Variants in TEKTIP1 observed in about 807,000 individuals in gnomAD.
The protein encoded by TEKTIP1 is tektin bundle-interacting protein 1.
the TEKTIP1 span, chr19:3,543,649 G>GA: frequency 6.5e-7 from 1 of 1,543,696 alleles, no homozygotes; most frequent in South Asian, 1.2e-5. Context: ...GCGCGCTGTG[G>GA]AAAGACAGGC....
chr19:3,540,403 A>G, the TEKTIP1 span, among the ~76,000 whole-genome samples: 2 of 151,510 alleles, frequency 1.3e-5, no homozygotes, highest in Admixed American at 1.3e-4. Flanking sequence ...GATTACAGGC[A>G]TGCGCTACCA....
At chr19:3,543,855 G>A in the TEKTIP1 span, 13 of 1,546,444 alleles carry the variant, frequency 8.4e-6, no homozygotes, top group African/African-American at 1.4e-5. Context: ...GTACGGGGTG[G>A]AGCCACTGTG....
the TEKTIP1 span, chr19:3,543,937 A>G: frequency 2.6e-6 from 4 of 1,550,728 alleles, no homozygotes; most frequent in South Asian, 1.2e-5. Context: ...AACTACCGGG[A>G]GTGGGTCCTG....
At chr19:3,542,796 G>C in the TEKTIP1 span, 1 of 1,370,398 alleles carries the variant, frequency 7.3e-7, no homozygotes, top group Non-Finnish European at 9.8e-7. Flanking sequence ...GGGTCCCCCA[G>C]TCTTCCCTGG....
At chr19:3,543,236 G>A in the TEKTIP1 span, 89 of 1,542,728 alleles carry the variant, frequency 5.8e-5, 1 homozygote, top group Admixed American at 9.8e-5. Flanking sequence ...CACCCTCAGC[G>A]ATGACTACCT....
chr19:3,542,679 T>A, the TEKTIP1 span: 1 of 1,201,522 alleles, frequency 8.3e-7, no homozygotes, highest in Non-Finnish European at 1.1e-6. Flanking sequence ...GATGGGGTTT[T>A]ACCATGCTGG....
the TEKTIP1 span, chr19:3,543,828 G>C: frequency 6.6e-7 from 1 of 1,526,516 alleles, no homozygotes; most frequent in Non-Finnish European, 8.8e-7. Flanking sequence ...CCCACCTACA[G>C]TGCTCAACAG....
At chr19:3,543,120 G>GA in the TEKTIP1 span, 15 of 1,518,226 alleles carry the variant, frequency 9.9e-6, no homozygotes, top group Non-Finnish European at 1.8e-6. Flanking sequence ...GCGAGGGAGG[G>GA]AGACCCCACG....
At chr19:3,543,382 C>G in the TEKTIP1 span, 10,267 of 1,549,292 alleles carry the variant, frequency 6.6e-3, 54 homozygotes, top group Non-Finnish European at 8.2e-3. Context: ...AAGCCTGGTA[C>G]AACCTGCCAC....
chr19:3,542,445 A>C, the TEKTIP1 span: 447 of 985,298 alleles, frequency 4.5e-4, no homozygotes, highest in Non-Finnish European at 5.2e-4. Context: ...TCCCAAGAGC[A>C]AGGTCAAAGC....
chr19:3,543,627 C>A, the TEKTIP1 span: 1 of 1,544,226 alleles, frequency 6.5e-7, no homozygotes, highest in Non-Finnish European at 8.7e-7. Context: ...GCCCCCAGCA[C>A]CCGGTGGGGG....
chr19:3,539,438 C>A, the TEKTIP1 span: 1 of 585,808 alleles, frequency 1.7e-6, no homozygotes, highest in Non-Finnish European at 3.1e-6. Context: ...TGGCCGCTCA[C>A]TGTGGGGGCT....
At chr19:3,542,969 C>CA in the TEKTIP1 span, 1 of 1,546,934 alleles carries the variant, frequency 6.5e-7, no homozygotes, top group Non-Finnish European at 8.8e-7. Context: ...CTTCTCCAGG[C>CA]AAGAAAAGCT....
the TEKTIP1 span, chr19:3,543,491 C>G: frequency 2.0e-5 from 31 of 1,516,000 alleles, no homozygotes; most frequent in South Asian, 1.6e-4. Flanking sequence ...CCCCCCCCCC[C>G]GCCCTGGGCA....
At chr19:3,541,764 C>T in the TEKTIP1 span, 26 of 985,164 alleles carry the variant, frequency 2.6e-5, no homozygotes, top group South Asian at 4.7e-5. Context: ...GGTACGGGGC[C>T]GACAGCAGGG....
the TEKTIP1 span, chr19:3,539,539 G>A: frequency 6.3e-6 from 3 of 474,924 alleles, no homozygotes; most frequent in East Asian, 3.2e-5. Flanking sequence ...AGAAATGTTC[G>A]CCCTCTGAAA....
chr19:3,543,239 GACT>G, the TEKTIP1 span: 1 of 1,543,280 alleles, frequency 6.5e-7, no homozygotes, highest in Non-Finnish European at 8.7e-7. Context: ...CCTCAGCGAT[GACT>G]ACCTGTCCCT....
At chr19:3,542,984 A>C in the TEKTIP1 span, 1 of 1,573,068 alleles carries the variant, frequency 6.4e-7, no homozygotes, top group East Asian at 2.4e-5. Context: ...AAAGCTGAGA[A>C]CAGAAAGGTT....
At chr19:3,541,923 C>A in the TEKTIP1 span, 1 of 538,018 alleles carries the variant, frequency 1.9e-6, no homozygotes, top group Non-Finnish European at 2.4e-6. Context: ...AATTCTCCTG[C>A]CTCAGCTTCC....
Sources: gnomAD v4.1 joint callset for allele counts (sites outside exome capture counted in the v4.1 genomes callset) on GRCh38, gnomAD v4.1.1 for gene constraint, MANE v1.5 for transcripts, NCBI Gene and HGNC (gene_info 2026-07-23, HGNC 2026-07-21) for gene names.